HOMER2: variants seen among roughly 807,000 people sequenced by gnomAD.
HOMER2 encodes the protein homer protein homolog 2.
Under a neutral mutation model 47.0 loss-of-function variants are expected in HOMER2, and 27 were observed. The observed-to-expected ratio is 0.57, with a 90% CI of 0.42 to 0.79. The LOEUF (loss-of-function observed/expected upper bound fraction) is 0.79. Among genes scored for constraint, HOMER2 ranks in the 30% least tolerant of loss-of-function variants. The pLI, the probability that HOMER2 is intolerant of heterozygous loss-of-function variation, is 0.00. For missense variants in HOMER2, 443 were observed against 435.0 expected, an observed-to-expected ratio of 1.02 and a Z score of -0.16; for synonymous variants, 161 against 163.8, an observed-to-expected ratio of 0.98 and a Z score of 0.13.
intron 2 of HOMER2, among the ~76,000 whole-genome samples, chr15:82,880,505 G>A (rs539888360): frequency 1.3e-5 from 2 of 152,298 alleles, no homozygotes; most frequent in South Asian, 4.1e-4. Context: ...GGGTACATAT[G>A]GGTTTGCTTT....
intron 1 of HOMER2, among the ~76,000 whole-genome samples, chr15:82,914,502 A>G (rs745443192): frequency 7.2e-5 from 11 of 152,212 alleles, no homozygotes; most frequent in Non-Finnish European, 1.6e-4. Context: ...ATATGAATCA[A>G]ATTGTCAAAT....
chr15:82,854,637 T>G lies in HOMER2; in HGVS notation c.651+7A>C. 4 of 1,610,772 alleles carry G rather than the reference T, an allele frequency of 2.5e-6. No individual in the cohort carries two copies. The highest frequency in any genetic ancestry group is 3.4e-6 in the Non-Finnish European group (4 of 1,178,856). ...GCCTCGGGGCTCACTGCATCCACCG[T>G]ACCCACCTTGTTGCGGAGCCGGTCA... On this transcript the variant is annotated splice_region_variant and intron_variant, in intron 6 of 8. Transcript: ENST00000450735.
rs1309696987 is a variant in HOMER2, at chr15:82,860,905, C to T, written c.388-1770G>A. Among the ~76,000 whole-genome samples, 3 of 139,698 alleles carry T rather than the reference C, an allele frequency of 2.1e-5. No individual in the cohort carries two copies. In the East Asian group the frequency reaches 6.5e-4, roughly 30 times the overall value. 91.6% of individuals were successfully genotyped at this position (139,698 alleles called of 152,430 possible). On this transcript the variant is annotated intron_variant, in intron 4 of 8. Transcript: ENST00000450735. Reference sequence around the variant, plus strand: ...TGAGCCGAGATCACGCCACTGCACTCCAGCCTAGATGACACAGTGAGACTC... The same window carrying T: ...TGAGCCGAGATCACGCCACTGCACTTCAGCCTAGATGACACAGTGAGACTC...
chr15:82,855,332 A>AG (rs1205928555), intron 5 of HOMER2, among the ~76,000 whole-genome samples: 1 of 148,966 alleles, frequency 6.7e-6, no homozygotes, highest in Non-Finnish European at 1.5e-5. Context: ...CTCCAAAAAA[A>AG]AAAAAAAAAA....
At chr15:82,957,142 T>C (rs1470837726), upstream of HOMER2, among the ~76,000 whole-genome samples, 3 of 152,142 alleles carry the variant, frequency 2.0e-5, no homozygotes, top group Admixed American at 2.0e-4. Context: ...CTGGGCATGG[T>C]GGCACATGCC....
At chr15:82,881,633 G>C (rs892692660) in intron 2 of HOMER2, among the ~76,000 whole-genome samples, 1 of 152,218 alleles carries the variant, frequency 6.6e-6, no homozygotes. Context: ...ATTCAAAGGA[G>C]TGAATTCTAA....
chr15:82,892,766 C>A lies in HOMER2; in HGVS notation c.81G>T (p.Ala27=). 1 of 1,606,248 alleles carries A rather than the reference C, an allele frequency of 6.2e-7. No homozygotes were observed. The highest frequency in any genetic ancestry group is 1.1e-5 in the South Asian group (1 of 89,960). The change falls in exon 2 of 9, where the codon GCG becomes GCT. Residue 27 remains alanine, a synonymous_variant. Transcript: ENST00000450735. ...DPNTKKNWMP[A]SKQAVTVSYF... Reference sequence around the variant, plus strand: ...AGGAAACGGTGACCGCCTGCTTGCTCGCAGGCATCCAGTTCTTCTTGGTGT... The same window carrying A: ...AGGAAACGGTGACCGCCTGCTTGCTAGCAGGCATCCAGTTCTTCTTGGTGT...
intron 1 of HOMER2, among the ~76,000 whole-genome samples, chr15:82,906,161 A>C (rs1208365986): frequency 6.6e-6 from 1 of 151,342 alleles, no homozygotes; most frequent in East Asian, 1.9e-4. Flanking sequence ...GCAGCCAGTA[A>C]AAAAGCGTAA....
chr15:82,897,155 C>G (rs2052958764), intron 1 of HOMER2, among the ~76,000 whole-genome samples: 1 of 149,536 alleles, frequency 6.7e-6, no homozygotes, highest in Admixed American at 6.8e-5. Context: ...CAACCTCCAC[C>G]TCCTGGGTTT....
intron 5 of HOMER2, among the ~76,000 whole-genome samples, chr15:82,855,424 C>T (rs1281685528): frequency 1.3e-5 from 2 of 152,020 alleles, no homozygotes; most frequent in African/African-American, 4.8e-5. Context: ...CCCATCCCAT[C>T]CTCCTTACTG....
intron 3 of HOMER2, among the ~76,000 whole-genome samples, chr15:82,871,945 C>T (rs943290856): frequency 1.3e-5 from 2 of 152,194 alleles, no homozygotes; most frequent in African/African-American, 4.8e-5. Flanking sequence ...TTCCAGGCAG[C>T]TGTGAGTGAT....
upstream of HOMER2, among the ~76,000 whole-genome samples, chr15:82,957,105 T>C (rs746180867): frequency 1.1e-4 from 17 of 152,140 alleles, no homozygotes; most frequent in Non-Finnish European, 1.9e-4. Flanking sequence ...GGTGAAACCC[T>C]GTCTCTACTG....
At chr15:82,835,585 CAT>C (rs1164883085), downstream of HOMER2, 4 of 152,516 alleles carry the variant, frequency 2.6e-5, no homozygotes, top group South Asian at 2.1e-4. Context: ...ACGGGTCTGT[CAT>C]GTGTGCTACC....
At chr15:82,951,149 C>T (rs2054497599) in intron 1 of HOMER2, among the ~76,000 whole-genome samples, 1 of 152,222 alleles carries the variant, frequency 6.6e-6, no homozygotes, top group Non-Finnish European at 1.5e-5. Context: ...GGCCTGCCAA[C>T]TTGGGTGCCT....
chr15:82,976,168 T>G (rs1485048863), intron 1 of HOMER2, among the ~76,000 whole-genome samples: 2 of 152,152 alleles, frequency 1.3e-5, no homozygotes, highest in Non-Finnish European at 2.9e-5. Context: ...CCTTCTTCAG[T>G]AAATTTCTCA....
chr15:82,897,562 G>A (rs1024109717), intron 1 of HOMER2, among the ~76,000 whole-genome samples: 19 of 152,264 alleles, frequency 1.2e-4, no homozygotes, highest in African/African-American at 4.1e-4. Context: ...TTAACCAACA[G>A]AATATGGCAA....
intron 1 of HOMER2, among the ~76,000 whole-genome samples, chr15:82,970,834 G>C (rs1333546291): frequency 6.6e-6 from 1 of 152,170 alleles, no homozygotes; most frequent in Non-Finnish European, 1.5e-5. Flanking sequence ...TAATATGTGG[G>C]TAAAAATATC....
chr15:82,880,232 A>G (rs1012629239), intron 2 of HOMER2, among the ~76,000 whole-genome samples: 1 of 152,244 alleles, frequency 6.6e-6, no homozygotes, highest in Non-Finnish European at 1.5e-5. Context: ...AAAGAGTCAA[A>G]TATCTGCAGC....
At chr15:82,859,834 G>C (rs537439085) in intron 4 of HOMER2, among the ~76,000 whole-genome samples, 1 of 151,730 alleles carries the variant, frequency 6.6e-6, no homozygotes, top group African/African-American at 2.4e-5. Flanking sequence ...GAAGAGAATG[G>C]TGTATAAATC....
Sources: allele counts gnomAD v4.1 joint callset (sites outside exome capture counted in the v4.1 genomes callset), GRCh38; gene constraint gnomAD v4.1.1; transcripts MANE v1.5; gene names NCBI Gene and HGNC (gene_info 2026-07-23, HGNC 2026-07-21).